ZNF148: variants seen among roughly 807,000 people sequenced by gnomAD.
ZNF148 encodes the protein Beta-Enolase Repressor Factor-1.
ZNF148 carries 7 observed loss-of-function variants against 67.7 expected under a neutral mutation model. The ratio of observed to expected loss-of-function variants is 0.10; its 90% CI spans 0.06 to 0.19. The LOEUF (loss-of-function observed/expected upper bound fraction) is 0.19. ZNF148 is among the 10% of genes least tolerant of loss of function. ZNF148 has a pLI of 1.00. For synonymous variants in ZNF148, 333 were observed against 330.7 expected (o/e 1.01, Z -0.08); for missense variants, 583 against 947.1 (o/e 0.62, Z 5.05).
chr3:125,304,126 A>G (rs1392220049), intron 4 of ZNF148, among the ~76,000 whole-genome samples: 1 of 152,132 alleles, frequency 6.6e-6, no homozygotes, highest in Non-Finnish European at 1.5e-5. Context: ...GTCTAAAGCC[A>G]TAAGCTGGGG....
chr3:125,364,053 C>T (rs1275833389), intron 1 of ZNF148, among the ~76,000 whole-genome samples: 1 of 152,068 alleles, frequency 6.6e-6, no homozygotes, highest in Non-Finnish European at 1.5e-5. Context: ...TCTTATTTAC[C>T]CGTTCAAAAA....
chr3:125,325,175 G>A (rs1579808772), intron 2 of ZNF148, among the ~76,000 whole-genome samples: 1 of 152,076 alleles, frequency 6.6e-6, no homozygotes, highest in Non-Finnish European at 1.5e-5. Context: ...CAGAAATTAT[G>A]TAAAAGAACC....
intron 4 of ZNF148, among the ~76,000 whole-genome samples, chr3:125,289,430 G>C (rs1270731456): frequency 6.6e-6 from 1 of 152,106 alleles, no homozygotes; most frequent in Non-Finnish European, 1.5e-5. Flanking sequence ...TGATGTAAAT[G>C]ATTATTTATT....
chr3:125,318,936 A>G (rs1940644818), intron 3 of ZNF148, among the ~76,000 whole-genome samples: 1 of 152,060 alleles, frequency 6.6e-6, no homozygotes, highest in Admixed American at 6.6e-5. Context: ...AACTGTCTAC[A>G]GGGGTATCTA....
At chr3:125,278,698 A>G (rs1343337782) in intron 6 of ZNF148, among the ~76,000 whole-genome samples, 1 of 152,034 alleles carries the variant, frequency 6.6e-6, no homozygotes, top group Non-Finnish European at 1.5e-5. Context: ...TAGTTTGTTT[A>G]CCCAAAGGTC....
chr3:125,318,983 C>A (rs1246262868), intron 3 of ZNF148, among the ~76,000 whole-genome samples: 1 of 152,062 alleles, frequency 6.6e-6, no homozygotes, highest in Non-Finnish European at 1.5e-5. Flanking sequence ...CATTAAATTT[C>A]CCCTCCCTGC....
At chr3:125,272,383 T>C (rs1460969104) in intron 7 of ZNF148, among the ~76,000 whole-genome samples, 1 of 152,244 alleles carries the variant, frequency 6.6e-6, no homozygotes, top group South Asian at 2.1e-4. Context: ...TTTTTAAATA[T>C]AGCTGCTATG....
At chr3:125,272,980 T>C (rs1162341498) in intron 7 of ZNF148, among the ~76,000 whole-genome samples, 1 of 152,246 alleles carries the variant, frequency 6.6e-6, no homozygotes, top group East Asian at 1.9e-4. Context: ...ATTCATTTCC[T>C]TCATCCTCAC....
Position 125,313,670 on chromosome 3 carries a change from T to C in ZNF148, c.-16-14A>G, listed in dbSNP as rs1418878610. 6.3e-7 allele frequency: 1 copy of C among 1,576,698 alleles called. No homozygotes were observed. Among genetic ancestry groups the C allele is most frequent in the African/African-American group, 1.4e-5 (1 of 73,724 alleles). The stretch of plus-strand genomic sequence containing the variant: ...AAGTATAACTGCCTAGAAAACCAAG[T>C]TTGGCAACAAAACATAGTAAATTAG... On this transcript the variant is annotated splice_polypyrimidine_tract_variant and intron_variant, in intron 3 of 8. Transcript: ENST00000360647.
intron 1 of ZNF148, among the ~76,000 whole-genome samples, chr3:125,372,745 T>A (rs1942931745): frequency 6.6e-6 from 1 of 151,976 alleles, no homozygotes. Flanking sequence ...GGCGGGTGGA[T>A]CACTTGAGGT....
chr3:125,237,342 G>A (rs1936137464), intron 7 of ZNF148, among the ~76,000 whole-genome samples: 1 of 152,168 alleles, frequency 6.6e-6, no homozygotes, highest in Admixed American at 6.5e-5. Flanking sequence ...AGCACTTTGG[G>A]AGGCTGTGGT....
chr3:125,239,196 C>T (rs545658135), intron 7 of ZNF148, among the ~76,000 whole-genome samples: 9 of 152,232 alleles, frequency 5.9e-5, no homozygotes, highest in African/African-American at 2.2e-4. Context: ...GAATTGCACA[C>T]TTATGATAAA....
chr3:125,361,197 T>C (rs1459026884), intron 1 of ZNF148, among the ~76,000 whole-genome samples: 1 of 152,116 alleles, frequency 6.6e-6, no homozygotes, highest in African/African-American at 2.4e-5. Flanking sequence ...GCTTCTCTCA[T>C]GACTAGCTAT....
At chr3:125,362,747 G>T (rs1360628017) in intron 1 of ZNF148, among the ~76,000 whole-genome samples, 2 of 151,866 alleles carry the variant, frequency 1.3e-5, no homozygotes, top group Non-Finnish European at 2.9e-5. Flanking sequence ...TAGAGATGAG[G>T]TTTCATCATG....
intron 4 of ZNF148, among the ~76,000 whole-genome samples, chr3:125,310,621 A>G (rs6792807): frequency 0.77 from 117,055 of 151,842 alleles, 45,667 homozygotes; most frequent in African/African-American, 0.85. Context: ...AGCAGAAATA[A>G]ATGAAACTGA....
intron 1 of ZNF148, among the ~76,000 whole-genome samples, chr3:125,367,679 A>G (rs994652139): frequency 6.6e-6 from 1 of 152,236 alleles, no homozygotes; most frequent in African/African-American, 2.4e-5. Flanking sequence ...TACTGGACAC[A>G]TGCCCTCAGT....
chr3:125,327,019 A>G (rs1941058580), intron 2 of ZNF148, among the ~76,000 whole-genome samples: 1 of 151,936 alleles, frequency 6.6e-6, no homozygotes, highest in South Asian at 2.1e-4. Context: ...TATGCTGTCA[A>G]CAAGACATAT....
At chr3:125,357,115 G>A (rs1942371901) in intron 1 of ZNF148, 1 of 152,174 alleles carries the variant, frequency 6.6e-6, no homozygotes, top group Non-Finnish European at 1.5e-5. Flanking sequence ...TAGTGGCTGC[G>A]GAGAAGCCAC....
rs375425289 is a variant in ZNF148, at chr3:125,230,838, G to A, written c.*1503C>T. 12 of 152,206 alleles carry A rather than the reference G, an allele frequency of 7.9e-5. No homozygotes were observed. The East Asian group carries it at 1.9e-3, about 24-fold the overall frequency. 9.4% of individuals were successfully genotyped at this position (152,206 alleles called of 1,614,324 possible). On this transcript the variant is annotated 3_prime_UTR_variant, in exon 9 of 9. Transcript: ENST00000360647. ...AAATTTAAAATGTAAAAATGAAAAA[G>A]TTGTAACAAAGAGTCAATAACTAAT...
Sources: gnomAD v4.1 joint callset for allele counts (sites outside exome capture counted in the v4.1 genomes callset) on GRCh38, gnomAD v4.1.1 for gene constraint, MANE v1.5 for transcripts, NCBI Gene and HGNC (gene_info 2026-07-23, HGNC 2026-07-21) for gene names.